ZNF618: variants seen among roughly 807,000 people sequenced by gnomAD.
ZNF618 encodes zinc finger protein 618.
Under a neutral mutation model 103.0 loss-of-function variants are expected in ZNF618, and 34 were observed. The observed-to-expected ratio is 0.33, with a 90% CI of 0.25 to 0.44. The LOEUF (loss-of-function observed/expected upper bound fraction) is 0.44, where lower values mean the gene tolerates loss of function less well. Among genes scored for constraint, ZNF618 ranks in the 20% least tolerant of loss-of-function variants. The pLI is 1.00. For synonymous variants in ZNF618, 551 were observed against 542.2 expected (o/e 1.02, Z -0.23); for missense variants, 1,059 against 1,295.4 (o/e 0.82, Z 2.80).
In ZNF618 at chr9:113,882,450, G is replaced by A. The variant is rs183411584; in HGVS notation, c.33+6037G>A. Among the ~76,000 whole-genome samples, 16 of 152,290 alleles carry A rather than the reference G, an allele frequency of 1.1e-4. No homozygotes were observed. In the East Asian group the frequency reaches 2.9e-3, roughly 28 times the overall value. The stretch of plus-strand genomic sequence containing the variant: ...CTGAGGGCCTGAGTAGGTGGTCGAC[G>A]CATGTGAGTTGACTCAACCCAGTGG... On this transcript the variant is annotated intron_variant, in intron 1 of 14. Coordinates refer to ENST00000374126, the MANE Select transcript of ZNF618 (RefSeq NM_001318042.2).
At chr9:113,945,285 GC>G (rs1834914087) in intron 1 of ZNF618, among the ~76,000 whole-genome samples, 1 of 152,130 alleles carries the variant, frequency 6.6e-6, no homozygotes, top group Non-Finnish European at 1.5e-5. Context: ...TTTCAGGAAG[GC>G]ATTTCCTTAT....
chr9:113,992,617 T>G (rs1840182815), intron 3 of ZNF618, among the ~76,000 whole-genome samples: 1 of 152,130 alleles, frequency 6.6e-6, no homozygotes, highest in South Asian at 2.1e-4. Context: ...CGCTCCGGGC[T>G]CAGAGACGGG....
chr9:113,928,291 G>A (rs1056470586), intron 1 of ZNF618, among the ~76,000 whole-genome samples: 2 of 152,022 alleles, frequency 1.3e-5, no homozygotes, highest in African/African-American at 4.8e-5. Context: ...CCATCTCTTT[G>A]CTTATGTTAA....
intron 12 of ZNF618, chr9:114,035,304 G>A (rs781091336): frequency 4.4e-5 from 42 of 960,932 alleles, no homozygotes; most frequent in Admixed American, 1.2e-4. Context: ...AGCCAGCCAC[G>A]TGCTCCTGGA....
rs553771665 is a variant in ZNF618 at position 113,948,699 on chromosome 9, C to T, written c.34-20418C>T. 9.2e-5 allele frequency among the ~76,000 whole-genome samples: 14 copies of T among 152,264 alleles called. No individual in the cohort carries two copies. The East Asian group carries it at 2.1e-3, about 23-fold the overall frequency. On this transcript the variant is annotated intron_variant, in intron 1 of 14. Transcript: ENST00000374126. ...GGCCCAAAATGTGCCAGCCATTGTGCGAGGAGCCAGCCGTGTTGGGGAAGC... is the reference window on the plus strand; with the variant it reads ...GGCCCAAAATGTGCCAGCCATTGTGTGAGGAGCCAGCCGTGTTGGGGAAGC...
At chr9:113,902,743 T>C (rs1025877780) in intron 1 of ZNF618, among the ~76,000 whole-genome samples, 6 of 152,194 alleles carry the variant, frequency 3.9e-5, no homozygotes, top group African/African-American at 9.6e-5. Flanking sequence ...CAGTATCCCA[T>C]TGTAAGGAAC....
At chr9:113,945,595 G>T (rs1237978422) in intron 1 of ZNF618, among the ~76,000 whole-genome samples, 2 of 152,194 alleles carry the variant, frequency 1.3e-5, no homozygotes, top group African/African-American at 4.8e-5. Flanking sequence ...AGTAATCTGG[G>T]CCCATGGGAC....
intron 2 of ZNF618, among the ~76,000 whole-genome samples, chr9:113,977,220 T>C (rs775518891): frequency 1.3e-5 from 2 of 152,148 alleles, no homozygotes; most frequent in Non-Finnish European, 2.9e-5. Flanking sequence ...TGGGCAGCAC[T>C]GGGCATCAGC....
chr9:114,017,932 G>A (rs1048610312), intron 10 of ZNF618, among the ~76,000 whole-genome samples: 3 of 152,136 alleles, frequency 2.0e-5, no homozygotes, highest in Non-Finnish European at 2.9e-5. Flanking sequence ...GGGTCTTCCC[G>A]TGGGTGAGAA....
At position 113,963,552 on chromosome 9, in the gene ZNF618, T is replaced by A. The variant is rs531565898; in HGVS notation, c.34-5565T>A. Reference sequence around the variant, plus strand: ...CCACTGGGCATTCAAAATTGTCCCCTAGTGGATTTGACGTCATCCACCCAG... The same window carrying A: ...CCACTGGGCATTCAAAATTGTCCCCAAGTGGATTTGACGTCATCCACCCAG... On this transcript the variant is annotated intron_variant, in intron 1 of 14. Coordinates refer to ENST00000374126, the MANE Select transcript of ZNF618 (RefSeq NM_001318042.2). Among the ~76,000 whole-genome samples the A allele has an allele frequency of 2.0e-5, 3 of 152,268 alleles. No homozygotes were observed. The South Asian group carries it at 6.2e-4, about 32-fold the overall frequency.
chr9:113,982,371 G>A (rs1839053817), intron 2 of ZNF618, among the ~76,000 whole-genome samples: 1 of 151,772 alleles, frequency 6.6e-6, no homozygotes, highest in Non-Finnish European at 1.5e-5. Flanking sequence ...GGCATTCCTC[G>A]ACTTGTGGCC....
intron 1 of ZNF618, among the ~76,000 whole-genome samples, chr9:113,960,827 C>G (rs986794579): frequency 1.3e-5 from 2 of 152,206 alleles, no homozygotes; most frequent in Non-Finnish European, 2.9e-5. Flanking sequence ...TGTTCCTTCC[C>G]CTTCAGAGCT....
rs545568769 is a variant in ZNF618, at chr9:114,054,904, A to C, written c.*4737A>C. ...TAATGAGGGTGAAGATTGTCAGGTC[A>C]CTGTTTGACATATTCATGCCCCGTC... On this transcript the variant is annotated 3_prime_UTR_variant, in exon 15 of 15. Transcript: ENST00000374126. 2.0e-5 allele frequency: 3 copies of C among 152,014 alleles called. No individual in the cohort carries two copies. The highest frequency in any genetic ancestry group is 2.0e-4 in the Admixed American group (3 of 15,286). The allele number at this position is 152,014 out of a possible 1,614,324, so 9.4% of individuals were successfully genotyped here.
At chr9:114,028,580 C>T (rs1332179427) in intron 10 of ZNF618, 153 bp from the exon 11 acceptor site, 2 of 1,183,302 alleles carry the variant, frequency 1.7e-6, no homozygotes, top group Non-Finnish European at 2.3e-6. Flanking sequence ...CTTTCTCTGG[C>T]TCTGAGTTAA....
At chr9:113,976,649 C>T (rs1016189961) in intron 2 of ZNF618, among the ~76,000 whole-genome samples, 5 of 152,156 alleles carry the variant, frequency 3.3e-5, no homozygotes, top group Non-Finnish European at 7.4e-5. Flanking sequence ...TCTCCCGTCT[C>T]TCCTCCTCAC....
chr9:113,922,202 T>C (rs1020122097), intron 1 of ZNF618, among the ~76,000 whole-genome samples: 3 of 152,180 alleles, frequency 2.0e-5, no homozygotes, highest in Non-Finnish European at 2.9e-5. Context: ...GGGGACAATT[T>C]ATGCAGATAA....
At chr9:113,994,152 AGAG>A (rs1228916015) in intron 3 of ZNF618, among the ~76,000 whole-genome samples, 1 of 152,238 alleles carries the variant, frequency 6.6e-6, no homozygotes, top group Admixed American at 6.5e-5. Context: ...AGCCAGGAAA[AGAG>A]GAGGAAGGAG....
At chr9:113,879,005 C>CTT (rs879800251) in intron 1 of ZNF618, among the ~76,000 whole-genome samples, 5 of 142,398 alleles carry the variant, frequency 3.5e-5, no homozygotes, top group African/African-American at 5.1e-5. Flanking sequence ...TTGGAATGAG[C>CTT]TTTTTTTTTT....
intron 1 of ZNF618, among the ~76,000 whole-genome samples, chr9:113,914,049 C>T (rs1179245845): frequency 6.6e-6 from 1 of 152,118 alleles, no homozygotes; most frequent in Non-Finnish European, 1.5e-5. Context: ...CAGCCTCCCC[C>T]AACCTGGACC....
Sources: gnomAD v4.1 joint callset for allele counts (sites outside exome capture counted in the v4.1 genomes callset) on GRCh38, gnomAD v4.1.1 for gene constraint, MANE v1.5 for transcripts, NCBI Gene and HGNC (gene_info 2026-07-23, HGNC 2026-07-21) for gene names.